The following ATP11A variants were observed in gnomAD, a reference collection of about 807,000 sequenced individuals.
The protein encoded by ATP11A is ATPase phospholipid transporting 11A.
ATP11A carries 81 observed loss-of-function variants against 154.4 expected under a neutral mutation model. That is an observed-to-expected ratio of 0.52 (90% CI 0.44 to 0.63). The LOEUF (loss-of-function observed/expected upper bound fraction) is 0.63. Among genes scored for constraint, ATP11A ranks in the 30% least tolerant of loss-of-function variants. The pLI, the probability that ATP11A is intolerant of heterozygous loss-of-function variation, is 0.00. For synonymous variants in ATP11A, 623 were observed against 585.9 expected, an observed-to-expected ratio of 1.06 and a Z score of -0.91; for missense variants, 1,316 against 1,474.3, an observed-to-expected ratio of 0.89 and a Z score of 1.76.
rs2079973720 is a variant in ATP11A, at chr13:112,857,809, C to T, written c.2419-9C>T. 1 of 1,608,334 alleles carries T rather than the reference C, an allele frequency of 6.2e-7. No individual in the cohort carries two copies. The highest frequency in any genetic ancestry group is 8.5e-7 in the Non-Finnish European group (1 of 1,174,886). ...GAGAAGATAAATTCCGCATTTCTTT[C>T]TTTTGCAGATTGTTAAATTAATCAA... On this transcript the variant is annotated splice_polypyrimidine_tract_variant and intron_variant, in intron 20 of 29. Transcript: ENST00000375645.
intron 1 of ATP11A, among the ~76,000 whole-genome samples, chr13:112,729,891 T>C (rs1890310133): frequency 6.6e-6 from 1 of 152,218 alleles, no homozygotes; most frequent in South Asian, 2.1e-4. Flanking sequence ...TTGTTACTTT[T>C]AAATGGCTCC....
At chr13:112,720,336 G>T (rs184817901) in intron 1 of ATP11A, among the ~76,000 whole-genome samples, 4 of 152,366 alleles carry the variant, frequency 2.6e-5, no homozygotes, top group African/African-American at 9.6e-5. Context: ...TTCAGTGTGC[G>T]ATTGGTTAAA....
chr13:112,776,985 C>T (rs529785069), intron 1 of ATP11A, among the ~76,000 whole-genome samples: 4 of 152,310 alleles, frequency 2.6e-5, no homozygotes, highest in African/African-American at 9.6e-5. Flanking sequence ...AGTGTCGCAT[C>T]GTAGATCTTC....
intron 1 of ATP11A, among the ~76,000 whole-genome samples, chr13:112,775,872 C>T (rs2077336373): frequency 6.6e-6 from 1 of 152,248 alleles, no homozygotes; most frequent in African/African-American, 2.4e-5. Context: ...TTTCTGCCCC[C>T]AGTTCCAACT....
intron 1 of ATP11A, among the ~76,000 whole-genome samples, chr13:112,693,623 A>G (rs1265198119): frequency 1.3e-5 from 2 of 152,024 alleles, no homozygotes; most frequent in Non-Finnish European, 2.9e-5. Context: ...TGCATGTGCC[A>G]TGAGGTAGTT....
rs553618603 is a variant in ATP11A at position 112,858,138 on chromosome 13, C to T, written c.2522-7C>T. On this transcript the variant is annotated splice_polypyrimidine_tract_variant and splice_region_variant and intron_variant, in intron 21 of 29. Coordinates refer to ENST00000375645, the MANE Select transcript of ATP11A (RefSeq NM_015205.3). ...ATTTCTTCAGCTCCTTCACCTCCGT[C>T]TTCTAGGTGTCATCGGCAAGGAAGG... is the stretch of plus-strand genomic sequence containing the variant. The T allele has an allele frequency of 6.8e-6, 11 of 1,612,920 alleles. No individual in the cohort carries two copies. In the East Asian group the frequency reaches 2.2e-4, roughly 33 times the overall value.
chr13:112,755,268 G>A (rs2076793380), intron 1 of ATP11A, among the ~76,000 whole-genome samples: 1 of 152,150 alleles, frequency 6.6e-6, no homozygotes, highest in South Asian at 2.1e-4. Flanking sequence ...TGCTTCACAG[G>A]TCAGAGGTCG....
intron 1 of ATP11A, among the ~76,000 whole-genome samples, chr13:112,734,412 C>A (rs559361888): frequency 6.4e-4 from 98 of 152,206 alleles, no homozygotes; most frequent in African/African-American, 2.3e-3. Context: ...TTTAGTAACC[C>A]AAAGTTTAAG....
At chr13:112,712,869 G>A (rs1054436158) in intron 1 of ATP11A, among the ~76,000 whole-genome samples, 6 of 152,354 alleles carry the variant, frequency 3.9e-5, no homozygotes, top group Non-Finnish European at 7.3e-5. Flanking sequence ...GGTGTTTGCT[G>A]AACACAAAGC....
At chr13:112,782,993 A>G (rs17121674) in intron 1 of ATP11A, among the ~76,000 whole-genome samples, 6,734 of 152,338 alleles carry the variant, frequency 0.044, 465 homozygotes, top group African/African-American at 0.15. Context: ...GTTGGGGCAC[A>G]TGGAGACTGC....
At chr13:112,801,013 A>G (rs1285323204) in intron 2 of ATP11A, among the ~76,000 whole-genome samples, 4 of 152,252 alleles carry the variant, frequency 2.6e-5, no homozygotes, top group Admixed American at 1.3e-4. Context: ...AGCATCTCCG[A>G]AAAGCCCTAC....
At chr13:112,847,611 TC>T (rs1368299576) in intron 17 of ATP11A, among the ~76,000 whole-genome samples, 3 of 152,242 alleles carry the variant, frequency 2.0e-5, no homozygotes, top group African/African-American at 2.4e-5. Flanking sequence ...CATCCCATTT[TC>T]TCTATGTCTG....
chr13:112,781,003 A>G (rs1186297086), intron 1 of ATP11A, among the ~76,000 whole-genome samples: 1 of 151,850 alleles, frequency 6.6e-6, no homozygotes, highest in Non-Finnish European at 1.5e-5. Flanking sequence ...TGAATCCTGA[A>G]AACAGCCCCG....
chr13:112,801,674 C>T (rs1402016752), intron 2 of ATP11A, among the ~76,000 whole-genome samples: 2 of 152,192 alleles, frequency 1.3e-5, no homozygotes, highest in African/African-American at 2.4e-5. Context: ...GAAAACAACA[C>T]TATTTACATT....
rs116351836 is a variant in ATP11A, at chr13:112,868,565, C to T, written c.2992-3170C>T. On this transcript the variant is annotated intron_variant, in intron 25 of 29. Transcript: ENST00000375645. ...CATGAGGACAGGGTTCCACAGAAAT[C>T]AGAAACAGGAGCTTCACTGGGGATG... is the stretch of plus-strand genomic sequence containing the variant. 4.1e-3 allele frequency among the ~76,000 whole-genome samples: 626 copies of T among 152,250 alleles called. 2 individuals are homozygous for T. The highest frequency in any genetic ancestry group is 0.014 in the African/African-American group (594 of 41,542).
At chr13:112,803,261 A>G (rs1294551638) in intron 2 of ATP11A, among the ~76,000 whole-genome samples, 1 of 152,228 alleles carries the variant, frequency 6.6e-6, no homozygotes, top group African/African-American at 2.4e-5. Context: ...CACCAAATTC[A>G]GAACATGTTG....
At chr13:112,856,697 G>A (rs1339279005) in intron 20 of ATP11A, 1 of 152,264 alleles carries the variant, frequency 6.6e-6, no homozygotes, top group African/African-American at 2.4e-5. Context: ...TGTCTTTCTG[G>A]TATCAGGAAG....
In ATP11A at chr13:112,804,962, A is replaced by G. The variant is rs1208753302; in HGVS notation, c.168A>G (p.Thr56=). ...PDNRIVSSKY[T]FWNFIPKNLF... ...TTTGTTTTTCTTTTATGCAGTACAC[A>G]TTTTGGAACTTTATACCCAAGAATT... is the stretch of plus-strand genomic sequence containing the variant. The change falls in exon 3 of 30, where the codon ACA becomes ACG. Residue 56 remains threonine, a synonymous_variant. Coordinates refer to ENST00000375645, the MANE Select transcript of ATP11A (RefSeq NM_015205.3). 1 of 1,601,578 alleles carries G rather than the reference A, an allele frequency of 6.2e-7. No individual in the cohort carries two copies. The highest frequency in any genetic ancestry group is 1.1e-5 in the South Asian group (1 of 89,332).
rs142051778 is a variant in ATP11A at position 112,857,997 on chromosome 13, G to A, written c.2521+77G>A. 9.8e-5 allele frequency: 154 copies of A among 1,570,530 alleles called. 1 individual carries two copies. In the East Asian group the frequency reaches 1.3e-3, roughly 14 times the overall value. On this transcript the variant is annotated intron_variant, in intron 21 of 29. Transcript: ENST00000375645. Reference sequence around the variant, plus strand: ...GCTAGACAAAGGCCCATGGCAGCACGCAGGTGCATTCAGGACACCCCCGTC... The same window carrying A: ...GCTAGACAAAGGCCCATGGCAGCACACAGGTGCATTCAGGACACCCCCGTC...
Sources: allele counts gnomAD v4.1 joint callset (sites outside exome capture counted in the v4.1 genomes callset), GRCh38; gene constraint gnomAD v4.1.1; transcripts MANE v1.5; gene names NCBI Gene and HGNC (gene_info 2026-07-23, HGNC 2026-07-21).